AGGF1: variants seen among roughly 807,000 people sequenced by gnomAD.
AGGF1 encodes angiogenic factor with G-patch and FHA domains 1.
Under a neutral mutation model 86.5 loss-of-function variants are expected in AGGF1, and 56 were observed. The observed-to-expected ratio is 0.65, with a 90% CI of 0.52 to 0.81. The LOEUF (loss-of-function observed/expected upper bound fraction) is 0.81, where lower values mean the gene tolerates loss of function less well. AGGF1 is among the 30% of genes least tolerant of loss of function. AGGF1 has a pLI of 0.00. For missense variants in AGGF1, 816 were observed against 850.9 expected (o/e 0.96, Z 0.51); for synonymous variants, 313 against 297.1 (o/e 1.05, Z -0.55).
chr5:77,058,607 AC>A (rs1747497194), intron 11 of AGGF1, among the ~76,000 whole-genome samples: 1 of 152,214 alleles, frequency 6.6e-6, no homozygotes, highest in South Asian at 2.1e-4. Flanking sequence ...GGAAAAACTT[AC>A]TAGGATAGAT....
chr5:77,042,513 C>A (rs1245481781), intron 5 of AGGF1, among the ~76,000 whole-genome samples: 1 of 78,236 alleles, frequency 1.3e-5, no homozygotes. Context: ...ACCTCCCTCC[C>A]GGACGGGGCG....
At position 77,046,400 on chromosome 5, in the gene AGGF1, T is replaced by C; in HGVS notation, c.924T>C (p.Asn308=). ...TCAGTGTTGAACATACAAGCTGCAA[T>C]GAGGAAGAAAATTTCGCAAATATGA... The part of the protein sequence containing the change: ...KAFSVEHTSC[N]EEENFANMKK... Residue 308 remains asparagine (N), a synonymous_variant, in exon 6 of 14, where the codon AAT becomes AAC. Transcript: ENST00000312916. 4 of 1,613,874 alleles carry C rather than the reference T, an allele frequency of 2.5e-6. No individual in the cohort carries two copies. Among genetic ancestry groups the C allele is most frequent in the Non-Finnish European group, 2.5e-6 (3 of 1,179,970 alleles).
intron 8 of AGGF1, among the ~76,000 whole-genome samples, chr5:77,051,564 A>G (rs1747374158): frequency 1.3e-5 from 2 of 152,230 alleles, no homozygotes. Context: ...GGTTTAGTAT[A>G]CATAGAGCAG....
chr5:77,040,940 G>A (rs1747066236), intron 5 of AGGF1, among the ~76,000 whole-genome samples: 1 of 152,024 alleles, frequency 6.6e-6, no homozygotes, highest in African/African-American at 2.4e-5. Flanking sequence ...ATGGCTCACT[G>A]CATCCTCGAC....
chr5:77,047,671 G>A (rs948500843), intron 6 of AGGF1, among the ~76,000 whole-genome samples: 4 of 151,896 alleles, frequency 2.6e-5, no homozygotes, highest in East Asian at 1.9e-4. Context: ...ATGTCACCAC[G>A]CACACCCAGC....
rs200756141 is a variant in AGGF1 at position 77,034,501 on chromosome 5, T to C, written c.294T>C (p.His98=). 1.0e-4 allele frequency: 168 copies of C among 1,611,416 alleles called. 1 individual carries two copies. The highest frequency in any genetic ancestry group is 1.4e-5 in the Non-Finnish European group (17 of 1,177,744). The change falls in exon 2 of 14, where the codon CAT becomes CAC. Residue 98 remains histidine (H), a synonymous_variant. Coordinates refer to ENST00000312916, the MANE Select transcript of AGGF1 (RefSeq NM_018046.5). ...KSDVEVQTEN[H]APWSISDYFY... is the part of the protein sequence containing the mutation. ...ATGTAGAAGTACAAACAGAGAACCA[T>C]GCTCCTTGGTCAATCTCAGGTATTT...
At position 77,052,779 on chromosome 5, in the gene AGGF1, C is replaced by G. The variant is rs1747396694; in HGVS notation, c.1439C>G (p.Thr480Arg). 6.2e-7 allele frequency: 1 copy of G among 1,613,640 alleles called. No individual in the cohort carries two copies. ...VLVDQGSQNG[T>R]IVNGKQILQP... Reference sequence around the variant, plus strand: ...GTGGATCAAGGCAGTCAAAATGGCACAATTGTTAATGGAAAACAGATTCTT... The same window carrying G: ...GTGGATCAAGGCAGTCAAAATGGCAGAATTGTTAATGGAAAACAGATTCTT... The change falls in exon 9 of 14, where the codon ACA becomes AGA. Residue 480 changes from threonine (T) to arginine (R), a missense_variant. Thr to Arg is a moderately conservative substitution (Grantham distance 71). Transcript: ENST00000312916.
rs1413978347 is a variant in AGGF1, at chr5:77,030,843, G to A, written c.77G>A (p.Arg26Lys). 6.2e-7 allele frequency: 1 copy of A among 1,612,374 alleles called. No individual in the cohort carries two copies. The change falls in exon 1 of 14, where the codon AGG (arginine) becomes AAG (lysine). Residue 26 changes from arginine to lysine, a missense_variant. Coordinates refer to ENST00000312916, the MANE Select transcript of AGGF1 (RefSeq NM_018046.5). ...CCCGAGCCTGAGCTGGCCCAGCTAA[G>A]GCGGAAGGTGGAGAAGTTGGAACGT... ...TSPEPELAQL[R>K]RKVEKLEREL...
chr5:77,051,250 G>A (rs144973682), intron 8 of AGGF1, among the ~76,000 whole-genome samples: 51 of 152,032 alleles, frequency 3.4e-4, no homozygotes, highest in African/African-American at 1.1e-3. Flanking sequence ...TGGCTAACAC[G>A]GTGAAACCCC....
intron 12 of AGGF1, among the ~76,000 whole-genome samples, chr5:77,061,082 CAT>C (rs1214139322): frequency 1.3e-5 from 2 of 152,124 alleles, no homozygotes; most frequent in Non-Finnish European, 2.9e-5. Context: ...TAATATGTAA[CAT>C]GTACAGAAAA....
chr5:77,064,733 A>G lies in AGGF1; in HGVS notation c.*1481A>G, dbSNP rs930909056. 2 of 152,236 alleles carry G rather than the reference A, an allele frequency of 1.3e-5. No homozygotes were observed. Among genetic ancestry groups the G allele is most frequent in the African/African-American group, 4.8e-5 (2 of 41,456 alleles). The allele number at this position is 152,236 out of a possible 1,614,324, so 9.4% of individuals were successfully genotyped here. ...ATTGTTTTCTTTTAATTAGAAATAA[A>G]AAGTATTAGTCTAAATGTGGTTCTG... On this transcript the variant is annotated 3_prime_UTR_variant, in exon 14 of 14. Transcript: ENST00000312916.
intron 5 of AGGF1, among the ~76,000 whole-genome samples, chr5:77,043,721 G>T (rs1386763217): frequency 1.4e-5 from 2 of 139,252 alleles, no homozygotes; most frequent in Non-Finnish European, 1.6e-5. Flanking sequence ...CTGCCGGGCG[G>T]AGACGCTCCT....
intron 5 of AGGF1, among the ~76,000 whole-genome samples, chr5:77,042,290 A>G (rs1426966289): frequency 6.8e-6 from 1 of 147,272 alleles, no homozygotes; most frequent in African/African-American, 2.5e-5. Flanking sequence ...CAAAGCCGCC[A>G]TTGTCATCCT....
At chr5:77,040,349 A>G (rs909533482) in intron 5 of AGGF1, among the ~76,000 whole-genome samples, 2 of 151,218 alleles carry the variant, frequency 1.3e-5, no homozygotes, top group Admixed American at 1.3e-4. Context: ...ACCTCAGCTG[A>G]TCCTCCTGCC....
rs747504867 is a variant in AGGF1, at chr5:77,035,670, A to T, written c.443A>T (p.Asp148Val). The change falls in exon 3 of 14, where the codon GAT becomes GTT. Residue 148 changes from aspartate (D) to valine (V), a missense_variant. Asp to Val is a radical substitution (Grantham distance 152). This residue lies in a region of AGGF1 where 240 missense variants were observed against 234.4 expected (regional missense o/e 1.02). Coordinates refer to ENST00000312916, the MANE Select transcript of AGGF1 (RefSeq NM_018046.5). ...NSKDHLQVENDAYPGTDRTEN... is the reference protein window; with the variant it reads ...NSKDHLQVENVAYPGTDRTEN... ...AAAGACCATTTACAAGTAGAAAATG[A>T]TGCTTACCCTGGTACCGATAGAACA... 1 of 1,613,690 alleles carries T rather than the reference A, an allele frequency of 6.2e-7. No homozygotes were observed. The highest frequency in any genetic ancestry group is 8.5e-7 in the Non-Finnish European group (1 of 1,179,738).
chr5:77,059,549 C>T, intron 11 of AGGF1, 67 bp from the exon 12 acceptor site: 1 of 1,375,264 alleles, frequency 7.3e-7, no homozygotes, highest in African/African-American at 1.4e-5. Context: ...TTAAGTAAGG[C>T]ACATGTACAG....
chr5:77,036,845 C>G, intron 4 of AGGF1, 125 bp downstream of exon 4: 2 of 1,050,518 alleles, frequency 1.9e-6, no homozygotes, highest in Non-Finnish European at 2.8e-6. Flanking sequence ...TCAAGTGATT[C>G]TTATGTCTCA....
rs1357155923 is a variant in AGGF1 at position 77,035,719 on chromosome 5, G to C, written c.492G>C (p.Val164=). The change falls in exon 3 of 14, where the codon GTG becomes GTC. Residue 164 remains valine (V), a synonymous_variant. Transcript: ENST00000312916. Reference sequence around the variant, plus strand: ...CAGAAAATGTTAAATATAGACAAGTGGACCATTTTGCCTCAAATTCACAGG... The same window carrying C: ...CAGAAAATGTTAAATATAGACAAGTCGACCATTTTGCCTCAAATTCACAGG... ...DRTENVKYRQ[V]DHFASNSQEP... 9.3e-6 allele frequency: 15 copies of C among 1,613,330 alleles called. No individual in the cohort carries two copies. In the East Asian group the frequency reaches 3.1e-4, roughly 34 times the overall value.
chr5:77,034,154 G>A (rs1561283191), intron 1 of AGGF1, among the ~76,000 whole-genome samples: 1 of 152,058 alleles, frequency 6.6e-6, no homozygotes, highest in Non-Finnish European at 1.5e-5. Flanking sequence ...ATTCTTATTT[G>A]TTAGAAATAA....
Sources: allele counts gnomAD v4.1 joint callset (sites outside exome capture counted in the v4.1 genomes callset), GRCh38; gene constraint gnomAD v4.1.1; regional missense constraint gnomAD v4.1.1; transcripts MANE v1.5; gene names NCBI Gene and HGNC (gene_info 2026-07-23, HGNC 2026-07-21).